Variants in SMIM41 observed in about 807,000 individuals in gnomAD.
SMIM41 encodes small integral membrane protein 41.
intron 2 of SMIM41, among the ~76,000 whole-genome samples, chr12:52,088,763 G>A (rs574459175): frequency 2.6e-5 from 4 of 152,276 alleles, no homozygotes; most frequent in Admixed American, 2.0e-4. Flanking sequence ...CACACTGTCT[G>A]GTCCCTGTTT....
At chr12:52,083,567 C>A (rs1181527521) in intron 1 of SMIM41, among the ~76,000 whole-genome samples, 1 of 152,164 alleles carries the variant, frequency 6.6e-6, no homozygotes, top group African/African-American at 2.4e-5. Flanking sequence ...CAGAAAGCCA[C>A]CCTCACGCCA....
intron 2 of SMIM41, among the ~76,000 whole-genome samples, chr12:52,096,505 TATTAAC>T (rs1442316348): frequency 6.6e-6 from 1 of 151,920 alleles, no homozygotes; most frequent in Admixed American, 6.6e-5. Flanking sequence ...ACTCATTTAT[TATTAAC>T]ATTAATATTA....
chr12:52,093,117 G>T (rs985362427), intron 2 of SMIM41, among the ~76,000 whole-genome samples: 7 of 152,222 alleles, frequency 4.6e-5, no homozygotes, highest in African/African-American at 1.7e-4. Flanking sequence ...AGAATCGCTT[G>T]AACCCGGGAG....
intron 2 of SMIM41, chr12:52,093,553 C>T (rs1396671353): frequency 6.6e-6 from 1 of 152,146 alleles, no homozygotes. Flanking sequence ...TATGGGGATT[C>T]GGGGCCAAAC....
At chr12:52,088,042 C>T (rs1013036427) in intron 2 of SMIM41, among the ~76,000 whole-genome samples, 7 of 152,246 alleles carry the variant, frequency 4.6e-5, no homozygotes, top group Non-Finnish European at 1.0e-4. Context: ...CCATGTTAAT[C>T]TGCCCACCCA....
At chr12:52,094,321 G>A (rs753502002) in intron 2 of SMIM41, among the ~76,000 whole-genome samples, 1 of 150,980 alleles carries the variant, frequency 6.6e-6, no homozygotes, top group Non-Finnish European at 1.5e-5. Flanking sequence ...TCAGCCTCCC[G>A]AGTAGCTGGG....
At chr12:52,097,473 C>T (rs1940120649) in intron 2 of SMIM41, among the ~76,000 whole-genome samples, 1 of 152,034 alleles carries the variant, frequency 6.6e-6, no homozygotes, top group Non-Finnish European at 1.5e-5. Context: ...GGACACTCCC[C>T]GCTGATGCGC....
chr12:52,106,505 G>C (rs934839866), intron 2 of SMIM41, among the ~76,000 whole-genome samples: 1 of 152,106 alleles, frequency 6.6e-6, no homozygotes, highest in African/African-American at 2.4e-5. Flanking sequence ...GCCATACCGG[G>C]TGAAGTTTTT....
At chr12:52,084,862 T>C (rs750411210) in intron 2 of SMIM41, 1 of 152,080 alleles carries the variant, frequency 6.6e-6, no homozygotes, top group Non-Finnish European at 1.5e-5. Context: ...AGGCTGGAAG[T>C]AGAGAGGAGG....
rs1175164293 is a variant in SMIM41 at position 52,081,297 on chromosome 12, C to T, written c.*120+1116C>T. On this transcript the variant is annotated intron_variant, in intron 1 of 2. Coordinates refer to ENST00000546390, the MANE Select transcript of SMIM41 (RefSeq NM_001369216.1). This position sits in a 1 kb window ranked among gnomAD's most constrained non-coding sequence, Gnocchi z 4.1. ...ATTCTGGAGCCCCTCCCCTGCTTAT[C>T]TGGGGTAGGGCAGGGTCCCAGTTTC... Among the ~76,000 whole-genome samples, 2 of 152,082 alleles carry T rather than the reference C, an allele frequency of 1.3e-5. No homozygotes were observed. Among genetic ancestry groups the T allele is most frequent in the African/African-American group, 4.8e-5 (2 of 41,386 alleles).
Position 52,107,878 on chromosome 12 carries a change from C to T in SMIM41, c.*695C>T, listed in dbSNP as rs1456724090. The T allele has an allele frequency of 1.9e-5, 6 of 309,992 alleles. No homozygotes were observed. Among genetic ancestry groups the T allele is most frequent in the South Asian group, 1.7e-4 (6 of 34,320 alleles). The allele number at this position is 309,992 out of a possible 1,614,324, so 19.2% of individuals were successfully genotyped here. On this transcript the variant is annotated 3_prime_UTR_variant, in exon 3 of 3. Transcript: ENST00000546390. ...GGACATTCCTAATTTCTTCTGTGAC[C>T]TTTCTCAACTCCCCCATCTTGCCGT... is the stretch of plus-strand genomic sequence containing the variant.
chr12:52,103,351 T>TAAAACCAAAAAAAAAAAAAAA (rs1940259136), intron 2 of SMIM41, among the ~76,000 whole-genome samples: 1 of 61,266 alleles, frequency 1.6e-5, no homozygotes, highest in Non-Finnish European at 3.4e-5. Flanking sequence ...CAAAATAAAA[T>TAAAACCAAAAAAAAAAAAAAA]AAAACCAAAA....
chr12:52,084,130 C>G (rs1939857317), intron 2 of SMIM41, among the ~76,000 whole-genome samples, 162 bp downstream of exon 2: 1 of 152,126 alleles, frequency 6.6e-6, no homozygotes, highest in Non-Finnish European at 1.5e-5. Context: ...AATGCCAGCA[C>G]TTTGGGAGGC....
intron 2 of SMIM41, among the ~76,000 whole-genome samples, chr12:52,086,171 A>G (rs1939890174): frequency 6.6e-6 from 1 of 152,066 alleles, no homozygotes; most frequent in South Asian, 2.1e-4. Context: ...GTTGAGGAAG[A>G]GAGGATTTCA....
chr12:52,085,742 G>A (rs1939883358), intron 2 of SMIM41, among the ~76,000 whole-genome samples: 1 of 152,186 alleles, frequency 6.6e-6, no homozygotes, highest in Admixed American at 6.5e-5. Flanking sequence ...ACTTGGGTTG[G>A]GGTAGAGGTG....
chr12:52,088,724 G>A (rs771608567), intron 2 of SMIM41, among the ~76,000 whole-genome samples: 4 of 152,160 alleles, frequency 2.6e-5, no homozygotes, highest in Admixed American at 1.3e-4. Flanking sequence ...TGTCAGAGTC[G>A]TCTTCAGCAG....
At chr12:52,101,507 G>C (rs1324815991) in intron 2 of SMIM41, among the ~76,000 whole-genome samples, 6 of 152,176 alleles carry the variant, frequency 3.9e-5, no homozygotes, top group Non-Finnish European at 8.8e-5. Flanking sequence ...GGGTGGGATG[G>C]GGAATGAAGA....
Position 52,081,273 on chromosome 12 carries a change from T to C in SMIM41, c.*120+1092T>C, listed in dbSNP as rs1939815866. On this transcript the variant is annotated intron_variant, in intron 1 of 2. Transcript: ENST00000546390. The surrounding 1 kb of genome is among the most constrained non-coding windows in gnomAD (Gnocchi z 4.1). ...GCCTCTCTTGCCCCCCCTCCCCCGA[T>C]TCTGGAGCCCCTCCCCTGCTTATCT... Among the ~76,000 whole-genome samples the C allele has an allele frequency of 6.6e-6, 1 of 152,034 alleles. No individual in the cohort carries two copies. The highest frequency in any genetic ancestry group is 2.1e-4 in the South Asian group (1 of 4,826).
intron 2 of SMIM41, 169 bp from the exon 3 acceptor site, chr12:52,107,210 C>CGG: frequency 2.7e-6 from 1 of 365,448 alleles, no homozygotes; most frequent in South Asian, 2.1e-5. Context: ...GTGGATTGCT[C>CGG]TGGAATCTGA....
Sources: allele counts gnomAD v4.1 joint callset (sites outside exome capture counted in the v4.1 genomes callset), GRCh38; gene constraint gnomAD v4.1.1; non-coding constraint Gnocchi (gnomAD v3.1); transcripts MANE v1.5; gene names NCBI Gene and HGNC (gene_info 2026-07-23, HGNC 2026-07-21).